The following MMP24 variants were observed in gnomAD, a reference collection of about 807,000 sequenced individuals.
The protein encoded by MMP24 is matrix metallopeptidase 24, also known as matrix metalloproteinase-24.
Under a neutral mutation model 62.8 loss-of-function variants are expected in MMP24, and 25 were observed. That is an observed-to-expected ratio of 0.40 (90% CI 0.29 to 0.56). The LOEUF is 0.56. MMP24 is among the 20% of genes least tolerant of loss of function. The pLI, the probability that MMP24 is intolerant of heterozygous loss-of-function variation, is 0.50. For synonymous variants in MMP24, 319 were observed against 350.5 expected, an observed-to-expected ratio of 0.91 and a Z score of 1.00; for missense variants, 634 against 853.6, an observed-to-expected ratio of 0.74 and a Z score of 3.21.
At chr20:35,268,741 T>C (rs2060648994) in intron 6 of MMP24, among the ~76,000 whole-genome samples, 1 of 152,200 alleles carries the variant, frequency 6.6e-6, no homozygotes, top group South Asian at 2.1e-4. Flanking sequence ...AACTGAGGCC[T>C]GGAGGCTGGG....
At chr20:35,244,428 G>T (rs2060503398) in intron 1 of MMP24, among the ~76,000 whole-genome samples, 1 of 151,798 alleles carries the variant, frequency 6.6e-6, no homozygotes, top group South Asian at 2.1e-4. Flanking sequence ...TCATGCTTTT[G>T]GGTGGGAATA....
chr20:35,266,238 G>A (rs1352027173), intron 5 of MMP24, among the ~76,000 whole-genome samples: 1 of 143,842 alleles, frequency 7.0e-6, no homozygotes, highest in Non-Finnish European at 1.5e-5. Flanking sequence ...TGTAGTCCCA[G>A]CTACTTGGGA....
chr20:35,237,683 T>G (rs774820483), intron 1 of MMP24, among the ~76,000 whole-genome samples: 1 of 152,194 alleles, frequency 6.6e-6, no homozygotes, highest in Non-Finnish European at 1.5e-5. Flanking sequence ...ATGTGATGCT[T>G]AGAGGAGTTA....
At chr20:35,270,831 GGAGTTT>G (rs1490487340) in intron 7 of MMP24, among the ~76,000 whole-genome samples, 1 of 152,216 alleles carries the variant, frequency 6.6e-6, no homozygotes, top group Non-Finnish European at 1.5e-5. Flanking sequence ...CCTGAGGTCA[GGAGTTT>G]GAGACCAGCC....
At chr20:35,259,348 G>A (rs551183776) in intron 4 of MMP24, among the ~76,000 whole-genome samples, 45 of 152,276 alleles carry the variant, frequency 3.0e-4, no homozygotes, top group African/African-American at 9.6e-4. Context: ...TGCTTTTGGC[G>A]CTGTTCCATT....
At chr20:35,272,541 A>C (rs981617674) in intron 8 of MMP24, among the ~76,000 whole-genome samples, 3 of 152,160 alleles carry the variant, frequency 2.0e-5, no homozygotes, top group African/African-American at 7.2e-5. Flanking sequence ...TCAAGAGAGA[A>C]ACTTTTTATG....
chr20:35,259,749 A>G (rs184002308), intron 4 of MMP24, among the ~76,000 whole-genome samples: 4 of 152,272 alleles, frequency 2.6e-5, no homozygotes, highest in East Asian at 3.9e-4. Context: ...CCACTTGAGT[A>G]GCCGAGTAGA....
intron 1 of MMP24, among the ~76,000 whole-genome samples, chr20:35,229,362 TG>T (rs1312334966): frequency 1.3e-5 from 2 of 152,208 alleles, no homozygotes; most frequent in Admixed American, 6.5e-5. Context: ...CATGGTCTCT[TG>T]GGGCCCCCTG....
At position 35,246,853 on chromosome 20, in the gene MMP24, C is replaced by G; in HGVS notation, c.260C>G (p.Ser87Cys). Residue 87 changes from serine to cysteine, a missense_variant, in exon 2 of 9, where the codon TCC (serine) becomes TGC (cysteine). Around this residue, in one of 3 missense-constraint regions of MMP24, gnomAD observed 212 missense variants for 259.6 expected, o/e 0.82. Transcript: ENST00000246186. Reference protein sequence around the residue: ...APFAGQNWLKSYGYLLPYDSR... With the variant: ...APFAGQNWLKCYGYLLPYDSR... ...CGTGTCTTTCAGAACTGGTTAAAGT[C>G]CTATGGCTATCTGCTTCCCTATGAC... The G allele has an allele frequency of 6.2e-7, 1 of 1,614,034 alleles. No homozygotes were observed. Among genetic ancestry groups the G allele is most frequent in the Non-Finnish European group, 8.5e-7 (1 of 1,179,900 alleles).
In MMP24 at chr20:35,274,357, C is replaced by T; in HGVS notation, c.1686C>T (p.Ile562=). ...LSVEPGYPRN[I]LRDWMGCNQK... The stretch of plus-strand genomic sequence containing the variant: ...TGGAGCCAGGCTACCCGCGCAACAT[C>T]CTGCGTGACTGGATGGGCTGCAACC... Residue 562 remains isoleucine (I), a synonymous_variant, in exon 9 of 9, where the codon ATC becomes ATT. Coordinates refer to ENST00000246186, the MANE Select transcript of MMP24 (RefSeq NM_006690.4). The surrounding 1 kb of genome is among the most constrained non-coding windows in gnomAD (Gnocchi z 5.1). 2 of 1,613,980 alleles carry T rather than the reference C, an allele frequency of 1.2e-6. No homozygotes were observed. Among genetic ancestry groups the T allele is most frequent in the South Asian group, 2.2e-5 (2 of 91,084 alleles).
Position 35,272,204 on chromosome 20 carries a change from CAAG to C in MMP24, c.1600+374_1600+376del, listed in dbSNP as rs1444507668. On this transcript the variant is annotated intron_variant, in intron 8 of 8. Coordinates refer to ENST00000246186, the MANE Select transcript of MMP24 (RefSeq NM_006690.4). ...GCCACTTTTTCACAGGGCTCGAGGG[CAAG>C]AAGATGGAAAGAAAACCTTCAAAAA... The C allele has an allele frequency of 6.6e-5, 28 of 421,194 alleles. No homozygotes were observed. The East Asian group carries it at 8.2e-4, about 12-fold the overall frequency. 26.1% of individuals were successfully genotyped at this position (421,194 alleles called of 1,614,324 possible).
At chr20:35,246,346 G>T (rs868176630) in intron 1 of MMP24, among the ~76,000 whole-genome samples, 1 of 151,946 alleles carries the variant, frequency 6.6e-6, no homozygotes, top group East Asian at 1.9e-4. Context: ...GCATGGTGGC[G>T]TGTGCCTGTA....
At chr20:35,251,369 C>A (rs1252111574) in intron 2 of MMP24, among the ~76,000 whole-genome samples, 1 of 152,142 alleles carries the variant, frequency 6.6e-6, no homozygotes, top group Non-Finnish European at 1.5e-5. Context: ...AGATAATCCA[C>A]CCGCCTCAGC....
intron 1 of MMP24, among the ~76,000 whole-genome samples, chr20:35,244,362 C>T (rs1415423789): frequency 6.6e-6 from 1 of 152,094 alleles, no homozygotes. Flanking sequence ...TCCTCATTTT[C>T]CAGCTGATGC....
At position 35,275,956 on chromosome 20, in the gene MMP24, C is replaced by T; in HGVS notation, c.*1347C>T. 5.0e-6 allele frequency: 2 copies of T among 398,642 alleles called. No homozygotes were observed. The highest frequency in any genetic ancestry group is 2.1e-5 in the African/African-American group (1 of 48,750). 24.7% of individuals were successfully genotyped at this position (398,642 alleles called of 1,614,324 possible). A position where few individuals can be genotyped will look rare whatever the true frequency, so the allele number is the denominator to read the frequency against. On this transcript the variant is annotated 3_prime_UTR_variant, in exon 9 of 9. Transcript: ENST00000246186. ...TGGCCTGCCTTGCTCCACAGTACGG[C>T]GGAGGCAGCCCTGCTTGTCACTGAG...
chr20:35,241,017 A>C (rs1269336436), intron 1 of MMP24, among the ~76,000 whole-genome samples: 4 of 152,166 alleles, frequency 2.6e-5, no homozygotes, highest in Non-Finnish European at 5.9e-5. Flanking sequence ...AGATTTAACA[A>C]AGGAGGTGAC....
intron 4 of MMP24, among the ~76,000 whole-genome samples, chr20:35,259,354 C>G (rs2060591323): frequency 6.6e-6 from 1 of 152,152 alleles, no homozygotes; most frequent in African/African-American, 2.4e-5. Flanking sequence ...TGGCGCTGTT[C>G]CATTCCGGGG....
chr20:35,242,595 T>C (rs757554337), intron 1 of MMP24, among the ~76,000 whole-genome samples: 1 of 152,158 alleles, frequency 6.6e-6, no homozygotes, highest in Non-Finnish European at 1.5e-5. Flanking sequence ...AGGGAAAACA[T>C]TTTCCTCAAG....
chr20:35,264,539 A>AAAAC (rs1333638859), intron 5 of MMP24, among the ~76,000 whole-genome samples: 1 of 151,738 alleles, frequency 6.6e-6, no homozygotes, highest in African/African-American at 2.4e-5. Context: ...CAAAAATATT[A>AAAAC]AAACAAACAA....
Sources: gnomAD v4.1 joint callset for allele counts (sites outside exome capture counted in the v4.1 genomes callset) on GRCh38, gnomAD v4.1.1 for gene constraint, gnomAD v4.1.1 regional missense constraint, Gnocchi (gnomAD v3.1) non-coding constraint, MANE v1.5 for transcripts, NCBI Gene and HGNC (gene_info 2026-07-23, HGNC 2026-07-21) for gene names.